Variants in BMP7 observed in about 807,000 individuals in gnomAD.
BMP7 encodes the protein osteogenic protein 1.
A neutral mutation model predicts 41.2 loss-of-function variants in BMP7; 12 were observed. That is an observed-to-expected ratio of 0.29 (90% confidence interval 0.19 to 0.47). The LOEUF (loss-of-function observed/expected upper bound fraction) is 0.47, where lower values mean the gene tolerates loss of function less well. Ranked by LOEUF, BMP7 falls within the 20% of genes least tolerant of loss-of-function variation. The pLI is 0.99. For missense variants in BMP7, 467 were observed against 606.0 expected (o/e 0.77, Z 2.41); for synonymous variants, 248 against 250.0 (o/e 0.99, Z 0.07).
Position 57,235,457 on chromosome 20 carries a change from G to A in BMP7, c.419-7036C>T, listed in dbSNP as rs574917992. 3.3e-5 allele frequency among the ~76,000 whole-genome samples: 5 copies of A among 152,270 alleles called. 1 individual carries two copies. The South Asian group carries it at 8.3e-4, about 25-fold the overall frequency. On this transcript the variant is annotated intron_variant, in intron 1 of 6. Coordinates refer to ENST00000395863, the MANE Select transcript of BMP7 (RefSeq NM_001719.3). ...ACTGTTTCCATGTCAACAATTTTGG[G>A]GAAACAGGGTATGAGGCCAAAGGAG...
chr20:57,239,034 A>G (rs1222396059), intron 1 of BMP7, among the ~76,000 whole-genome samples: 1 of 152,076 alleles, frequency 6.6e-6, no homozygotes, highest in Non-Finnish European at 1.5e-5. Context: ...ATATCCTCAC[A>G]TTTCAAAGCC....
rs73915079 is a variant in BMP7, at chr20:57,261,869, C to T, written c.418+3836G>A. ...CTACAGTGGTAGGGCCTGCTCTTGA[C>T]GGGCAGTGGGAGAGGTCTTAATGCC... On this transcript the variant is annotated intron_variant, in intron 1 of 6. Coordinates refer to ENST00000395863, the MANE Select transcript of BMP7 (RefSeq NM_001719.3). The surrounding 1 kb of genome is among the most constrained non-coding windows in gnomAD (Gnocchi z 4.1). Among the ~76,000 whole-genome samples, 2,388 of 152,302 alleles carry T rather than the reference C, an allele frequency of 0.016. 45 individuals carry two copies. The highest frequency in any genetic ancestry group is 0.049 in the African/African-American group (2,048 of 41,560).
In BMP7 at chr20:57,215,316, C is replaced by T. The variant is rs149767832; in HGVS notation, c.612-12693G>A. On this transcript the variant is annotated intron_variant, in intron 2 of 6. Transcript: ENST00000395863. This position sits in a 1 kb window ranked among gnomAD's most constrained non-coding sequence, Gnocchi z 4.2. The stretch of plus-strand genomic sequence containing the variant: ...CCATTTACTGTCCCCATCACCTCTT[C>T]GGAGCCACCTCCTTTCCCCACATCA... 7.2e-5 allele frequency among the ~76,000 whole-genome samples: 11 copies of T among 152,336 alleles called. No individual in the cohort carries two copies. The highest frequency in any genetic ancestry group is 4.1e-4 in the South Asian group (2 of 4,824).
At chr20:57,249,416 A>G (rs1322789447) in intron 1 of BMP7, among the ~76,000 whole-genome samples, 3 of 152,084 alleles carry the variant, frequency 2.0e-5, no homozygotes, top group African/African-American at 7.2e-5. Flanking sequence ...GAACTCAGCC[A>G]TATGGAGATA....
chr20:57,220,949 C>T (rs1001772763), intron 2 of BMP7, among the ~76,000 whole-genome samples: 1 of 152,172 alleles, frequency 6.6e-6, no homozygotes, highest in Non-Finnish European at 1.5e-5. Context: ...GTTGTACATG[C>T]GCTCAGGCAC....
chr20:57,257,343 G>A (rs372803312), intron 1 of BMP7, among the ~76,000 whole-genome samples: 5 of 151,886 alleles, frequency 3.3e-5, no homozygotes, highest in Admixed American at 1.3e-4. Context: ...CCATTGCACC[G>A]CAAATTTTCA....
chr20:57,241,505 A>G (rs1339228543), intron 1 of BMP7, among the ~76,000 whole-genome samples: 1 of 152,150 alleles, frequency 6.6e-6, no homozygotes, highest in East Asian at 1.9e-4. Context: ...CACAGGCAGC[A>G]TTGTCTCCCC....
chr20:57,193,463 C>T (rs1338218001), intron 3 of BMP7, among the ~76,000 whole-genome samples: 1 of 152,210 alleles, frequency 6.6e-6, no homozygotes, highest in Non-Finnish European at 1.5e-5. Flanking sequence ...GCTTTGTAGT[C>T]ACATGGCTCC....
intron 3 of BMP7, among the ~76,000 whole-genome samples, chr20:57,199,878 C>T (rs567889957): frequency 3.3e-5 from 5 of 152,364 alleles, no homozygotes; most frequent in Non-Finnish European, 4.4e-5. Flanking sequence ...TGGCACCACA[C>T]CCGGCCCCCA....
chr20:57,190,336 G>C (rs1012644625), intron 3 of BMP7, among the ~76,000 whole-genome samples: 1 of 151,532 alleles, frequency 6.6e-6, no homozygotes, highest in Non-Finnish European at 1.5e-5. Flanking sequence ...GGTGAGGCTG[G>C]AGACAGTGAG....
chr20:57,195,988 A>C (rs954923704), intron 3 of BMP7, among the ~76,000 whole-genome samples: 13 of 152,168 alleles, frequency 8.5e-5, no homozygotes, highest in Non-Finnish European at 1.8e-4. Context: ...AAGGGTCCCC[A>C]ACGAGGGAGT....
At chr20:57,211,348 A>G (rs1296756649) in intron 2 of BMP7, among the ~76,000 whole-genome samples, 1 of 152,198 alleles carries the variant, frequency 6.6e-6, no homozygotes, top group Non-Finnish European at 1.5e-5. Context: ...CGAAGCACAG[A>G]AAGCCATCTC....
chr20:57,182,170 G>A (rs1984099066), intron 4 of BMP7, among the ~76,000 whole-genome samples: 2 of 152,232 alleles, frequency 1.3e-5, no homozygotes, highest in Non-Finnish European at 2.9e-5. Context: ...TTTGGTTTTA[G>A]TCTGGGAGGA....
At chr20:57,200,878 G>T (rs886349649) in intron 3 of BMP7, among the ~76,000 whole-genome samples, 2 of 152,228 alleles carry the variant, frequency 1.3e-5, no homozygotes, top group African/African-American at 4.8e-5. Context: ...TACACACCAA[G>T]GTTTCCCACT....
chr20:57,173,728 C>T (rs1049535980), intron 5 of BMP7: 4 of 266,934 alleles, frequency 1.5e-5, no homozygotes, highest in South Asian at 9.4e-5. Context: ...CTGGACAGAA[C>T]GCGGCACAGG....
In BMP7 at chr20:57,228,521, A is replaced by C; in HGVS notation, c.419-100T>G. On this transcript the variant is annotated intron_variant, in intron 1 of 6. Transcript: ENST00000395863. The surrounding 1 kb of genome is among the most constrained non-coding windows in gnomAD (Gnocchi z 4.5). The stretch of plus-strand genomic sequence containing the variant: ...CAAGCATCTTGCCTAAGCTAGATGG[A>C]GGCATGCCCATTGCCAGTGACCCCA... 1 of 1,401,872 alleles carries C rather than the reference A, an allele frequency of 7.1e-7. No homozygotes were observed. The highest frequency in any genetic ancestry group is 1.2e-5 in the South Asian group (1 of 85,878). 86.8% of individuals were successfully genotyped at this position (1,401,872 alleles called of 1,614,324 possible).
chr20:57,257,647 A>C (rs913388392), intron 1 of BMP7, among the ~76,000 whole-genome samples: 1 of 152,176 alleles, frequency 6.6e-6, no homozygotes, highest in Non-Finnish European at 1.5e-5. Context: ...GGAGATCAAA[A>C]GCATTTAGAA....
At chr20:57,254,065 C>G (rs1398952816) in intron 1 of BMP7, among the ~76,000 whole-genome samples, 1 of 142,662 alleles carries the variant, frequency 7.0e-6, no homozygotes, top group Non-Finnish European at 1.5e-5. Flanking sequence ...CTCTGTCACC[C>G]AGGCTGGAGT....
intron 2 of BMP7, among the ~76,000 whole-genome samples, chr20:57,208,806 C>T (rs1984804043): frequency 6.6e-6 from 1 of 152,126 alleles, no homozygotes; most frequent in Admixed American, 6.6e-5. Context: ...AATCATTATG[C>T]TAAGAAAAAG....
Sources: allele counts gnomAD v4.1 joint callset (sites outside exome capture counted in the v4.1 genomes callset), GRCh38; gene constraint gnomAD v4.1.1; non-coding constraint Gnocchi (gnomAD v3.1); transcripts MANE v1.5; gene names NCBI Gene and HGNC (gene_info 2026-07-23, HGNC 2026-07-21).